CEP63: variants seen among roughly 807,000 people sequenced by gnomAD.
CEP63 encodes the protein centrosomal protein of 63 kDa.
A neutral mutation model predicts 89.1 loss-of-function variants in CEP63; 84 were observed. That is an observed-to-expected ratio of 0.94 (90% CI 0.79 to 1.13). CEP63 has a LOEUF of 1.13. CEP63 is among the 50% of genes most tolerant of loss of function. The pLI, the probability that CEP63 is intolerant of heterozygous loss-of-function variation, is 0.00. For missense variants in CEP63, 838 were observed against 813.3 expected (o/e 1.03, Z -0.37); for synonymous variants, 267 against 272.5 (o/e 0.98, Z 0.20).
the CEP63 span, chr3:134,610,446 A>G: frequency 1.0e-5 from 15 of 1,448,720 alleles, no homozygotes; most frequent in Middle Eastern, 1.8e-4. Flanking sequence ...AAGTCTGTCC[A>G]TGGTCTCAGG....
intron 3 of CEP63, chr3:134,510,973 A>AT (rs57657207): frequency 0.65 from 101,356 of 155,418 alleles, 32,862 homozygotes; most frequent in East Asian, 0.81. Context: ...TCCACCTTTG[A>AT]TTTTTTTTTT....
At chr3:134,513,966 G>A (rs766547748) in intron 3 of CEP63, among the ~76,000 whole-genome samples, 6 of 152,056 alleles carry the variant, frequency 3.9e-5, no homozygotes, top group Non-Finnish European at 8.8e-5. Context: ...TACTTGCTCA[G>A]AAAATAACCT....
At chr3:134,539,517 C>T (rs1461552848) in intron 6 of CEP63, among the ~76,000 whole-genome samples, 2 of 152,086 alleles carry the variant, frequency 1.3e-5, no homozygotes, top group Non-Finnish European at 2.9e-5. Context: ...ATTTAATATC[C>T]AGTCTGTTCA....
the CEP63 span, among the ~76,000 whole-genome samples, chr3:134,718,044 T>C: frequency 6.6e-6 from 1 of 152,244 alleles, no homozygotes; most frequent in East Asian, 1.9e-4. Flanking sequence ...TCTCAGTCTT[T>C]GTGGTTTGGG....
chr3:134,689,193 TCTTCGGCTTATGATGA>T, the CEP63 span, among the ~76,000 whole-genome samples: 1 of 152,114 alleles, frequency 6.6e-6, no homozygotes, highest in East Asian at 1.9e-4. Context: ...CAGTGCTTTC[TCTTCGGCTTATGATGA>T]CTTCTTGTGG....
the CEP63 span, among the ~76,000 whole-genome samples, chr3:134,684,949 G>A: frequency 2.0e-5 from 3 of 152,154 alleles, no homozygotes; most frequent in African/African-American, 7.2e-5. Flanking sequence ...TGGGGCTAGG[G>A]AGAATCCAGG....
At chr3:134,614,628 C>T in the CEP63 span, among the ~76,000 whole-genome samples, 9 of 152,030 alleles carry the variant, frequency 5.9e-5, no homozygotes, top group Admixed American at 5.9e-4. Flanking sequence ...CTTGATGAAC[C>T]CTGAAGCTGC....
chr3:134,561,635 T>C lies in CEP63; in HGVS notation c.*100T>C, dbSNP rs1384900885. 6.5e-7 allele frequency: 1 copy of C among 1,527,024 alleles called. No homozygotes were observed. Among genetic ancestry groups the C allele is most frequent in the African/African-American group, 1.4e-5 (1 of 71,636 alleles). 94.6% of individuals were successfully genotyped at this position (1,527,024 alleles called of 1,614,324 possible). A position where few individuals can be genotyped will look rare whatever the true frequency, so the allele number is the denominator to read the frequency against. On this transcript the variant is annotated 3_prime_UTR_variant, in exon 15 of 15. Transcript: ENST00000675561. ...TTAAAAACATGAAGAGATAAAATTA[T>C]AAAAATGATACATCTAAAGCAGTGG...
At chr3:134,593,674 T>C in the CEP63 span, among the ~76,000 whole-genome samples, 1 of 152,192 alleles carries the variant, frequency 6.6e-6, no homozygotes, top group African/African-American at 2.4e-5. Flanking sequence ...AATCACACAT[T>C]AATGGCTCCT....
chr3:134,716,858 G>A, the CEP63 span, among the ~76,000 whole-genome samples: 3 of 151,470 alleles, frequency 2.0e-5, no homozygotes, highest in East Asian at 1.9e-4. Context: ...TAGGCAGGAC[G>A]CTCAAATCTT....
intron 6 of CEP63, among the ~76,000 whole-genome samples, 173 bp downstream of exon 6, chr3:134,537,441 C>A (rs1950986545): frequency 6.6e-6 from 1 of 152,164 alleles, no homozygotes; most frequent in South Asian, 2.1e-4. Context: ...CTTCTTCCCG[C>A]CTGCCCTCAC....
chr3:134,515,068 G>A (rs1438128716), intron 3 of CEP63, among the ~76,000 whole-genome samples: 1 of 152,152 alleles, frequency 6.6e-6, no homozygotes, highest in African/African-American at 2.4e-5. Flanking sequence ...GGTGGCAATG[G>A]TGTTATATTT....
At chr3:134,613,477 C>T in the CEP63 span, among the ~76,000 whole-genome samples, 94,826 of 151,342 alleles carry the variant, frequency 0.63, 30,129 homozygotes, top group East Asian at 0.87. Flanking sequence ...GGGGTGATGG[C>T]CCCTGAGCCA....
intron 1 of CEP63, among the ~76,000 whole-genome samples, chr3:134,490,897 T>G (rs1181552299): frequency 6.6e-6 from 1 of 152,212 alleles, no homozygotes; most frequent in Non-Finnish European, 1.5e-5. Flanking sequence ...GATCCCCTCC[T>G]TAGGAGTATG....
At chr3:134,697,004 A>G in the CEP63 span, among the ~76,000 whole-genome samples, 4 of 152,240 alleles carry the variant, frequency 2.6e-5, no homozygotes, top group Non-Finnish European at 5.9e-5. Flanking sequence ...GTTACTTGAC[A>G]TACATTGCTA....
chr3:134,573,125 G>A (rs926726000), intron 11 of CEP63, among the ~76,000 whole-genome samples: 1 of 152,014 alleles, frequency 6.6e-6, no homozygotes, highest in African/African-American at 2.4e-5. Flanking sequence ...TTTGCTTGTT[G>A]AGTTGTTTAA....
the CEP63 span, among the ~76,000 whole-genome samples, chr3:134,678,084 C>T: frequency 6.6e-6 from 1 of 152,086 alleles, no homozygotes; most frequent in African/African-American, 2.4e-5. Flanking sequence ...ACCTGGGCCA[C>T]CTGGTGCTGG....
At chr3:134,579,570 T>G (rs62271513), downstream of CEP63, among the ~76,000 whole-genome samples, 50,754 of 152,098 alleles carry the variant, frequency 0.33, 8,819 homozygotes, top group African/African-American at 0.41. Flanking sequence ...TATTAGCTAT[T>G]CATATGTTTT....
At chr3:134,565,192 T>G (rs1052767144), downstream of CEP63, among the ~76,000 whole-genome samples, 8 of 152,172 alleles carry the variant, frequency 5.3e-5, no homozygotes, top group African/African-American at 1.9e-4. Context: ...TTCCCATGAA[T>G]TTTCATCTGG....
Sources: allele counts gnomAD v4.1 joint callset (sites outside exome capture counted in the v4.1 genomes callset), GRCh38; gene constraint gnomAD v4.1.1; transcripts MANE v1.5; gene names NCBI Gene and HGNC (gene_info 2026-07-23, HGNC 2026-07-21).